The following SGCD variants were observed in gnomAD, a reference collection of about 807,000 sequenced individuals.
SGCD encodes the protein delta-sarcoglycan.
A neutral mutation model predicts 36.6 loss-of-function variants in SGCD; 18 were observed. The ratio of observed to expected loss-of-function variants is 0.49; its 90% CI spans 0.34 to 0.73. SGCD has a LOEUF of 0.73. Ranked by LOEUF, SGCD falls within the 30% of genes least tolerant of loss-of-function variation. The pLI is 0.01. For missense variants in SGCD, 387 were observed against 346.7 expected, an observed-to-expected ratio of 1.12 and a Z score of -0.92; for synonymous variants, 133 against 130.6, an observed-to-expected ratio of 1.02 and a Z score of -0.12.
rs557550518 is a variant in SGCD, at chr5:156,479,944, A to G, written c.193-28657A>G. Among the ~76,000 whole-genome samples, 169 of 152,372 alleles carry G rather than the reference A, an allele frequency of 1.1e-3. 1 individual carries two copies. The highest frequency in any genetic ancestry group is 3.9e-3 in the African/African-American group (161 of 41,600). On this transcript the variant is annotated intron_variant, in intron 3 of 8. Coordinates refer to ENST00000337851, the MANE Select transcript of SGCD (RefSeq NM_000337.6). ...AGTTGCTACAATTTCAAACCAAAGC[A>G]GACACCAACAGCTGCTGTCTTGCCC...
At chr5:156,533,484 C>T (rs574479095) in intron 4 of SGCD, among the ~76,000 whole-genome samples, 2 of 152,266 alleles carry the variant, frequency 1.3e-5, no homozygotes, top group South Asian at 4.1e-4. Flanking sequence ...TTTTGTACTA[C>T]AAATTTTTTA....
chr5:156,465,126 G>A (rs575149755), intron 3 of SGCD, among the ~76,000 whole-genome samples: 19 of 152,196 alleles, frequency 1.2e-4, no homozygotes, highest in Non-Finnish European at 2.6e-4. Flanking sequence ...AGGGAGGGGC[G>A]TGTGTGATTA....
chr5:156,474,640 TCC>T (rs1755105609), intron 3 of SGCD, among the ~76,000 whole-genome samples: 1 of 152,114 alleles, frequency 6.6e-6, no homozygotes, highest in Non-Finnish European at 1.5e-5. Context: ...TTAATTTTGG[TCC>T]CCATTGAAGC....
chr5:155,807,046 T>C, the SGCD span, among the ~76,000 whole-genome samples: 2 of 152,242 alleles, frequency 1.3e-5, no homozygotes, highest in African/African-American at 4.8e-5. Context: ...ATTTATTATA[T>C]ACACAAGTAA....
intron 3 of SGCD, among the ~76,000 whole-genome samples, chr5:156,128,381 C>T (rs958753427): frequency 8.5e-5 from 13 of 152,248 alleles, no homozygotes; most frequent in Non-Finnish European, 1.8e-4. Flanking sequence ...AATTCCACTC[C>T]TAGGTATTTA....
intron 1 of SGCD, among the ~76,000 whole-genome samples, chr5:156,070,114 C>A (rs563262299): frequency 1.3e-5 from 2 of 149,014 alleles, no homozygotes; most frequent in Non-Finnish European, 1.5e-5. Flanking sequence ...TAATTGGATA[C>A]CCTTTATTTC....
chr5:156,699,028 T>A (rs940105760), intron 7 of SGCD, among the ~76,000 whole-genome samples: 1 of 152,190 alleles, frequency 6.6e-6, no homozygotes, highest in African/African-American at 2.4e-5. Flanking sequence ...CCAGCTACCA[T>A]GACTGTTAAA....
the SGCD span, among the ~76,000 whole-genome samples, chr5:155,803,676 T>G: frequency 3.3e-5 from 5 of 152,324 alleles, no homozygotes; most frequent in South Asian, 1.0e-3. Context: ...TGACTGTTTC[T>G]ATTATACTCT....
chr5:156,145,476 T>A (rs935845803), intron 3 of SGCD, among the ~76,000 whole-genome samples: 10 of 152,162 alleles, frequency 6.6e-5, no homozygotes, highest in African/African-American at 2.4e-4. Flanking sequence ...CAAAGTGAGG[T>A]CATAATAAGG....
chr5:155,855,676 G>A, the SGCD span, among the ~76,000 whole-genome samples: 7 of 152,242 alleles, frequency 4.6e-5, no homozygotes, highest in East Asian at 1.4e-3. Context: ...GTATTACAGT[G>A]TATTTCTCAT....
chr5:155,838,456 C>G, the SGCD span, among the ~76,000 whole-genome samples: 1 of 151,952 alleles, frequency 6.6e-6, no homozygotes, highest in Non-Finnish European at 1.5e-5. Context: ...CTATATTTTG[C>G]TGATGATATA....
intron 3 of SGCD, among the ~76,000 whole-genome samples, chr5:156,140,704 C>A (rs1762559451): frequency 6.6e-6 from 1 of 151,892 alleles, no homozygotes; most frequent in Non-Finnish European, 1.5e-5. Context: ...AAATATGATG[C>A]AGAACATAAA....
At chr5:155,959,747 G>C (rs530011431) in intron 1 of SGCD, among the ~76,000 whole-genome samples, 8 of 152,006 alleles carry the variant, frequency 5.3e-5, no homozygotes, top group Non-Finnish European at 8.8e-5. Flanking sequence ...CAATAAGTGT[G>C]TACTATGTAT....
At chr5:156,524,387 C>G (rs997990765) in intron 4 of SGCD, among the ~76,000 whole-genome samples, 3 of 148,862 alleles carry the variant, frequency 2.0e-5, no homozygotes, top group Admixed American at 6.8e-5. Flanking sequence ...CTTCTTGTTT[C>G]TCTCTCTTGT....
chr5:156,621,968 T>C (rs1762268460), intron 6 of SGCD, among the ~76,000 whole-genome samples: 1 of 152,202 alleles, frequency 6.6e-6, no homozygotes, highest in South Asian at 2.1e-4. Flanking sequence ...CCCCAAGGTT[T>C]TATAGCAAGT....
chr5:155,980,439 G>A (rs1354759043), intron 1 of SGCD, among the ~76,000 whole-genome samples: 1 of 151,270 alleles, frequency 6.6e-6, no homozygotes, highest in Non-Finnish European at 1.5e-5. Flanking sequence ...CAAAACAAAT[G>A]TAGCCAGGCG....
intron 3 of SGCD, among the ~76,000 whole-genome samples, chr5:156,479,676 G>A (rs970869734): frequency 6.6e-6 from 1 of 152,194 alleles, no homozygotes; most frequent in Non-Finnish European, 1.5e-5. Context: ...ACAATGAAGA[G>A]TAGAAGAAAG....
intron 4 of SGCD, among the ~76,000 whole-genome samples, chr5:156,530,113 C>G (rs1442615589): frequency 1.3e-5 from 2 of 152,198 alleles, no homozygotes; most frequent in African/African-American, 4.8e-5. Context: ...GTGGATTTCT[C>G]AACCTCGTAA....
intron 3 of SGCD, among the ~76,000 whole-genome samples, chr5:156,498,063 C>A (rs1410981521): frequency 6.6e-6 from 1 of 152,088 alleles, no homozygotes; most frequent in Non-Finnish European, 1.5e-5. Context: ...GAACGTTGCC[C>A]AGCATGTTCC....
Sources: gnomAD v4.1 joint callset for allele counts (sites outside exome capture counted in the v4.1 genomes callset) on GRCh38, gnomAD v4.1.1 for gene constraint, MANE v1.5 for transcripts, NCBI Gene and HGNC (gene_info 2026-07-23, HGNC 2026-07-21) for gene names.